XYLT1: variants seen among roughly 807,000 people sequenced by gnomAD.
XYLT1 encodes beta-D-xylosyltransferase 1.
In XYLT1, 36 loss-of-function variants were observed where a neutral mutation model predicts 91.3. That is an observed-to-expected ratio of 0.39 (90% CI 0.30 to 0.52). The LOEUF (loss-of-function observed/expected upper bound fraction) is 0.52. Among genes scored for constraint, XYLT1 ranks in the 20% least tolerant of loss-of-function variants. XYLT1 has a pLI of 0.68. For missense variants in XYLT1, 1,242 were observed against 1,284.5 expected (o/e 0.97, Z 0.51); for synonymous variants, 588 against 532.0 (o/e 1.11, Z -1.45).
intron 2 of XYLT1, among the ~76,000 whole-genome samples, chr16:17,353,968 C>T (rs181061340): frequency 2.6e-5 from 4 of 152,272 alleles, no homozygotes; most frequent in Admixed American, 2.6e-4. Flanking sequence ...ATGTGGAAAT[C>T]GGGTATCACA....
intron 1 of XYLT1, among the ~76,000 whole-genome samples, chr16:17,423,421 G>A (rs761634792): frequency 3.3e-5 from 5 of 152,202 alleles, no homozygotes; most frequent in Non-Finnish European, 5.9e-5. Flanking sequence ...TAAGGCGATT[G>A]TTTTTTCCTC....
intron 2 of XYLT1, among the ~76,000 whole-genome samples, chr16:17,314,204 A>G (rs1451787272): frequency 1.3e-5 from 2 of 152,224 alleles, no homozygotes. Flanking sequence ...AAAGATTAGA[A>G]GCAACAGGCC....
intron 3 of XYLT1, 122 bp from the exon 4 acceptor site, chr16:17,200,776 CCTTAAAA>C: frequency 9.2e-7 from 1 of 1,091,254 alleles, no homozygotes. Flanking sequence ...TCAAATTGGG[CCTTAAAA>C]CATAATTCAA....
intron 2 of XYLT1, among the ~76,000 whole-genome samples, chr16:17,352,808 T>C (rs2035240298): frequency 2.0e-5 from 3 of 152,248 alleles, no homozygotes; most frequent in Admixed American, 2.0e-4. Flanking sequence ...CTTTTTCATC[T>C]GACTCTCCTA....
chr16:17,235,975 TC>T lies in XYLT1; in HGVS notation c.913+23012del, dbSNP rs568424462. 8.1e-4 allele frequency among the ~76,000 whole-genome samples: 124 copies of T among 152,296 alleles called. 1 individual carries two copies. Among genetic ancestry groups the T allele is most frequent in the African/African-American group, 2.8e-3 (115 of 41,566 alleles). On this transcript the variant is annotated intron_variant, in intron 3 of 11. Coordinates refer to ENST00000261381, the MANE Select transcript of XYLT1 (RefSeq NM_022166.4). ...TCTATCTCCCGGGTTCAAGCAATTC[TC>T]CTGCCTCAGCCTCCCGAGTAGCTGG...
At chr16:17,264,241 C>T (rs890537831) in intron 2 of XYLT1, among the ~76,000 whole-genome samples, 2 of 152,186 alleles carry the variant, frequency 1.3e-5, no homozygotes, top group African/African-American at 4.8e-5. Context: ...CCCAATCCCC[C>T]AACTCCTGGC....
intron 5 of XYLT1, among the ~76,000 whole-genome samples, chr16:17,166,349 ATT>A (rs770854424): frequency 1.3e-5 from 2 of 152,106 alleles, no homozygotes; most frequent in Non-Finnish European, 2.9e-5. Context: ...ATTGAGTCCA[ATT>A]CCCATCTGTT....
intron 5 of XYLT1, among the ~76,000 whole-genome samples, chr16:17,179,068 CAA>C (rs78766186): frequency 2.6e-4 from 31 of 119,450 alleles, no homozygotes; most frequent in African/African-American, 3.4e-4. Flanking sequence ...GACCCTGTCT[CAA>C]AAAAAAAAAA....
intron 2 of XYLT1, among the ~76,000 whole-genome samples, chr16:17,341,179 G>A (rs923168906): frequency 6.6e-6 from 1 of 152,162 alleles, no homozygotes; most frequent in Non-Finnish European, 1.5e-5. Context: ...GAGCAAAGGT[G>A]TATTTACAAG....
intron 3 of XYLT1, among the ~76,000 whole-genome samples, chr16:17,203,066 C>G (rs1019497166): frequency 2.0e-5 from 3 of 152,178 alleles, no homozygotes; most frequent in African/African-American, 7.2e-5. Context: ...CAAGGTCACA[C>G]TGCTTTAATT....
chr16:17,168,209 G>A (rs1433271327), intron 5 of XYLT1, among the ~76,000 whole-genome samples: 1 of 152,198 alleles, frequency 6.6e-6, no homozygotes, highest in Non-Finnish European at 1.5e-5. Flanking sequence ...CGTTAATGGT[G>A]AACTGGATAA....
intron 1 of XYLT1, among the ~76,000 whole-genome samples, chr16:17,366,073 T>TTC (rs1158053931): frequency 7.1e-6 from 1 of 140,502 alleles, no homozygotes; most frequent in Non-Finnish European, 1.5e-5. Context: ...TTTTTTTTTT[T>TTC]TTTTTGGCCT....
intron 8 of XYLT1, among the ~76,000 whole-genome samples, chr16:17,135,109 G>A (rs1435926326): frequency 6.6e-6 from 1 of 152,194 alleles, no homozygotes; most frequent in Admixed American, 6.5e-5. Context: ...GCCTGCAGAT[G>A]TATTTTAGCT....
intron 2 of XYLT1, among the ~76,000 whole-genome samples, chr16:17,279,410 A>G (rs73519247): frequency 0.012 from 1,756 of 152,318 alleles, 37 homozygotes; most frequent in African/African-American, 0.04. Context: ...ACAGAGGCTC[A>G]GAGAGGTGAA....
intron 1 of XYLT1, among the ~76,000 whole-genome samples, chr16:17,373,386 T>C (rs2035560376): frequency 6.6e-6 from 1 of 152,180 alleles, no homozygotes; most frequent in Admixed American, 6.5e-5. Flanking sequence ...ACACCAACTC[T>C]GTGGGGAAGA....
chr16:17,395,465 G>C (rs571212624), intron 1 of XYLT1, among the ~76,000 whole-genome samples: 1 of 152,116 alleles, frequency 6.6e-6, no homozygotes, highest in Non-Finnish European at 1.5e-5. Flanking sequence ...AGCCATGATC[G>C]CACCACTGCA....
chr16:17,278,768 T>C (rs1476684209), intron 2 of XYLT1, among the ~76,000 whole-genome samples: 1 of 151,940 alleles, frequency 6.6e-6, no homozygotes, highest in Non-Finnish European at 1.5e-5. Flanking sequence ...AGAAAGGGGG[T>C]TACATGACTC....
At chr16:17,371,396 A>G (rs1227045668) in intron 1 of XYLT1, among the ~76,000 whole-genome samples, 1 of 152,248 alleles carries the variant, frequency 6.6e-6, no homozygotes, top group Non-Finnish European at 1.5e-5. Context: ...ATGTATGCTG[A>G]GAACTCAGCC....
rs10606202 is a variant in XYLT1, at chr16:17,321,342, C to CTTTTTTTTTTTTTTTTTTTTT, written c.402+36649_402+36669dup. ...GACAGTTCCCAAAGTACTAACTAGC[C>CTTTTTTTTTTTTTTTTTTTTT]TTTTTTTTTTTTTTTTTTTTTTTTT... On this transcript the variant is annotated intron_variant, in intron 2 of 11. Transcript: ENST00000261381. 1.1e-4 allele frequency among the ~76,000 whole-genome samples: 5 copies of CTTTTTTTTTTTTTTTTTTTTT among 43,624 alleles called. 1 individual carries two copies. Among genetic ancestry groups the CTTTTTTTTTTTTTTTTTTTTT allele is most frequent in the Non-Finnish European group, 8.4e-5 (2 of 23,762 alleles). 28.6% of individuals were successfully genotyped at this position (43,624 alleles called of 152,430 possible).
Sources: allele counts gnomAD v4.1 joint callset (sites outside exome capture counted in the v4.1 genomes callset), GRCh38; gene constraint gnomAD v4.1.1; transcripts MANE v1.5; gene names NCBI Gene and HGNC (gene_info 2026-07-23, HGNC 2026-07-21).